Variants in CRAMP1 observed in about 807,000 individuals in gnomAD.
CRAMP1 encodes protein cramped-like.
A neutral mutation model predicts 115.4 loss-of-function variants in CRAMP1; 50 were observed. That is an observed-to-expected ratio of 0.43 (90% CI 0.35 to 0.55). The LOEUF is 0.55. Ranked by LOEUF, CRAMP1 falls within the 20% of genes least tolerant of loss-of-function variation. The pLI, the probability that CRAMP1 is intolerant of heterozygous loss-of-function variation, is 0.01. For missense variants in CRAMP1, 1,679 were observed against 1,721.7 expected, an observed-to-expected ratio of 0.98 and a Z score of 0.44; for synonymous variants, 866 against 745.4, an observed-to-expected ratio of 1.16 and a Z score of -2.64.
intron 4 of CRAMP1, among the ~76,000 whole-genome samples, chr16:1,632,764 G>A (rs938249189): frequency 2.0e-5 from 3 of 152,160 alleles, no homozygotes; most frequent in African/African-American, 4.8e-5. Context: ...CCTGGGGGAC[G>A]GCCAGCCTTC....
In CRAMP1 at chr16:1,666,643, C is replaced by G. The variant is rs1322076135; in HGVS notation, c.3036+43C>G. On this transcript the variant is annotated intron_variant, in intron 16 of 20. Transcript: ENST00000397412. This position sits in a 1 kb window ranked among gnomAD's most constrained non-coding sequence, Gnocchi z 5.0. Reference sequence around the variant, plus strand: ...GGCTTTTCAGCATTACCACCAACTTCTGGTGTGGACGCCAAAGCCATGGGG... The same window carrying G: ...GGCTTTTCAGCATTACCACCAACTTGTGGTGTGGACGCCAAAGCCATGGGG... 1.3e-6 allele frequency: 2 copies of G among 1,562,804 alleles called. No individual in the cohort carries two copies. The highest frequency in any genetic ancestry group is 2.3e-5 in the East Asian group (1 of 44,322).
Position 1,656,845 on chromosome 16 carries a change from C to A in CRAMP1, c.2088C>A (p.Gly696=). 1 of 1,550,872 alleles carries A rather than the reference C, an allele frequency of 6.4e-7. No homozygotes were observed. The highest frequency in any genetic ancestry group is 8.7e-7 in the Non-Finnish European group (1 of 1,147,160). ...TGGCCGAAGTCTACCTCATGATGGG[C>A]AAGCCCAGCAAGCTGCAGCTGGAGT... is the stretch of plus-strand genomic sequence containing the variant. ...LTLAEVYLMM[G]KPSKLQLEYD... The change falls in exon 10 of 21, where the codon GGC becomes GGA. Residue 696 remains glycine, a synonymous_variant. Coordinates refer to ENST00000397412, the MANE Select transcript of CRAMP1 (RefSeq NM_020825.4). This position sits in a 1 kb window ranked among gnomAD's most constrained non-coding sequence, Gnocchi z 5.6.
At position 1,672,307 on chromosome 16, in the gene CRAMP1, T is replaced by A. The variant is rs1281173670; in HGVS notation, c.3645+1498T>A. Among the ~76,000 whole-genome samples the A allele has an allele frequency of 6.6e-6, 1 of 152,194 alleles. No homozygotes were observed. The highest frequency in any genetic ancestry group is 2.4e-5 in the African/African-American group (1 of 41,442). On this transcript the variant is annotated intron_variant, in intron 20 of 20. Coordinates refer to ENST00000397412, the MANE Select transcript of CRAMP1 (RefSeq NM_020825.4). The surrounding 1 kb of genome is among the most constrained non-coding windows in gnomAD (Gnocchi z 4.9). ...CCCGTCGCGAGTAATGCAAACGTGT[T>A]CACCTTCAGAAAGAGCAGATCAGCG...
At chr16:1,625,144 C>T (rs752832875) in intron 2 of CRAMP1, among the ~76,000 whole-genome samples, 2 of 152,098 alleles carry the variant, frequency 1.3e-5, no homozygotes, top group African/African-American at 2.4e-5. Flanking sequence ...TGACAGTTCC[C>T]GCTCCCTCTG....
At chr16:1,653,287 C>T (rs749823097) in intron 8 of CRAMP1, 131 bp downstream of exon 8, 17 of 1,136,064 alleles carry the variant, frequency 1.5e-5, no homozygotes, top group South Asian at 6.2e-5. Context: ...CACACGAGGA[C>T]GCAGCAGTGT....
At chr16:1,615,035 C>T in intron 2 of CRAMP1, 50 bp downstream of exon 2, 2 of 1,116,994 alleles carry the variant, frequency 1.8e-6, no homozygotes, top group East Asian at 3.2e-5. Context: ...CCGGGGTGTG[C>T]CGCGGGGGAG....
intron 20 of CRAMP1, 77 bp from the exon 21 acceptor site, chr16:1,673,804 C>A: frequency 7.1e-7 from 1 of 1,400,482 alleles, no homozygotes; most frequent in South Asian, 1.2e-5. Context: ...AGCTTCTCGT[C>A]CTGTTTCAGG....
chr16:1,648,277 A>G (rs1026841063), intron 6 of CRAMP1, among the ~76,000 whole-genome samples: 5 of 152,226 alleles, frequency 3.3e-5, no homozygotes, highest in African/African-American at 1.2e-4. Context: ...GGAAACGTCC[A>G]TTTGTTTCCA....
chr16:1,618,819 G>A (rs2142168068), intron 2 of CRAMP1, among the ~76,000 whole-genome samples: 1 of 152,046 alleles, frequency 6.6e-6, no homozygotes, highest in East Asian at 1.9e-4. Context: ...GCAGTGAGCT[G>A]TGGACATTGC....
In CRAMP1 at chr16:1,662,678, G is replaced by A; in HGVS notation, c.2595+7G>A. ...GCATCTGAACTCCATCAGTGTGAGTGTGTGGGGCCGGGCCGCCCGCGTGCG... is the reference window on the plus strand; with the variant it reads ...GCATCTGAACTCCATCAGTGTGAGTATGTGGGGCCGGGCCGCCCGCGTGCG... On this transcript the variant is annotated splice_region_variant and intron_variant, in intron 12 of 20. Coordinates refer to ENST00000397412, the MANE Select transcript of CRAMP1 (RefSeq NM_020825.4). 6.2e-7 allele frequency: 1 copy of A among 1,613,990 alleles called. No individual in the cohort carries two copies. The highest frequency in any genetic ancestry group is 8.5e-7 in the Non-Finnish European group (1 of 1,179,878).
intron 11 of CRAMP1, 123 bp from the exon 12 acceptor site, chr16:1,662,367 C>T (rs1175296987): frequency 6.7e-6 from 5 of 743,776 alleles, no homozygotes; most frequent in Middle Eastern, 2.4e-4. Flanking sequence ...TGTCTCCTTT[C>T]AAGGCAGCCG....
rs978745281 is a variant in CRAMP1 at position 1,656,623 on chromosome 16, G to A, written c.1866G>A (p.Gly622=). The change falls in exon 10 of 21, where the codon GGG becomes GGA. Residue 622 remains glycine, a synonymous_variant. Transcript: ENST00000397412. This position sits in a 1 kb window ranked among gnomAD's most constrained non-coding sequence, Gnocchi z 5.6. The part of the protein sequence containing the change: ...PTGPSPRPGP[G]LLLDVCTKDL... The stretch of plus-strand genomic sequence containing the variant: ...GCCCATCCCCGAGGCCCGGCCCCGG[G>A]CTCCTGCTGGATGTTTGCACTAAAG... 3 of 1,576,320 alleles carry A rather than the reference G, an allele frequency of 1.9e-6. No homozygotes were observed. The African/African-American group carries it at 4.0e-5, about 21-fold the overall frequency.
Position 1,637,785 on chromosome 16 carries a change from G to A in CRAMP1, c.695-39G>A, listed in dbSNP as rs1331493959. On this transcript the variant is annotated intron_variant, in intron 4 of 20. Coordinates refer to ENST00000397412, the MANE Select transcript of CRAMP1 (RefSeq NM_020825.4). ...ACACCCAAGCCAGGCAGCGCCTCCT[G>A]TTCCCCTCTCTAAAGCCGCCTTCTC... 2.6e-6 allele frequency: 3 copies of A among 1,154,944 alleles called. No individual in the cohort carries two copies. The African/African-American group carries it at 4.7e-5, about 18-fold the overall frequency. 71.5% of individuals were successfully genotyped at this position (1,154,944 alleles called of 1,614,324 possible).
intron 6 of CRAMP1, chr16:1,645,253 C>CT (rs2036664362): frequency 5.1e-6 from 1 of 196,512 alleles, no homozygotes; most frequent in Non-Finnish European, 1.1e-5. Flanking sequence ...CTGGCGCGAT[C>CT]TTGGCTCACT....
At chr16:1,649,334 G>A (rs2036703241) in intron 6 of CRAMP1, among the ~76,000 whole-genome samples, 1 of 152,176 alleles carries the variant, frequency 6.6e-6, no homozygotes, top group African/African-American at 2.4e-5. Flanking sequence ...ATGGACACAT[G>A]AGTGGGTGGG....
At position 1,669,247 on chromosome 16, in the gene CRAMP1, C is replaced by A; in HGVS notation, c.3499+82C>A. 9.1e-7 allele frequency: 1 copy of A among 1,098,298 alleles called. No individual in the cohort carries two copies. Among genetic ancestry groups the A allele is most frequent in the Non-Finnish European group, 1.3e-6 (1 of 785,064 alleles). 68.0% of individuals were successfully genotyped at this position (1,098,298 alleles called of 1,614,324 possible). A position where few individuals can be genotyped will look rare whatever the true frequency, so the allele number is the denominator to read the frequency against. On this transcript the variant is annotated intron_variant, in intron 19 of 20. Transcript: ENST00000397412. The surrounding 1 kb of genome is among the most constrained non-coding windows in gnomAD (Gnocchi z 4.6). ...TGCGGGACACTGGATTCTCATTCTA[C>A]TCAAACTCCCACTAGGACTGTTGGC...
chr16:1,619,369 T>C (rs868725589), intron 2 of CRAMP1, among the ~76,000 whole-genome samples: 1 of 152,090 alleles, frequency 6.6e-6, no homozygotes, highest in East Asian at 1.9e-4. Context: ...TTAGTAGAGA[T>C]GGGGTTTTAC....
chr16:1,659,837 A>C, intron 10 of CRAMP1, 49 bp from the exon 11 acceptor site: 1 of 1,565,308 alleles, frequency 6.4e-7, no homozygotes, highest in East Asian at 2.2e-5. Flanking sequence ...CGCAAGAGCC[A>C]TTTCTCATGT....
rs368204330 is a variant in CRAMP1, at chr16:1,662,713, G to A, written c.2595+42G>A. The A allele has an allele frequency of 9.4e-5, 152 of 1,613,652 alleles. No homozygotes were observed. In the Middle Eastern group the frequency reaches 9.9e-4, roughly 11 times the overall value. On this transcript the variant is annotated intron_variant, in intron 12 of 20. Coordinates refer to ENST00000397412, the MANE Select transcript of CRAMP1 (RefSeq NM_020825.4). ...GGGCCGCCCGCGTGCGAGCGTCCCC[G>A]TGGTCTGGAGAGTGCACCTTCAGGT...
Sources: gnomAD v4.1 joint callset for allele counts (sites outside exome capture counted in the v4.1 genomes callset) on GRCh38, gnomAD v4.1.1 for gene constraint, Gnocchi (gnomAD v3.1) non-coding constraint, MANE v1.5 for transcripts, NCBI Gene and HGNC (gene_info 2026-07-23, HGNC 2026-07-21) for gene names.